Variants in FHIT observed in about 807,000 individuals in gnomAD.
The protein encoded by FHIT is bis(5'-adenosyl)-triphosphatase.
Under a neutral mutation model 17.9 loss-of-function variants are expected in FHIT, and 19 were observed. The observed-to-expected ratio is 1.06, with a 90% CI of 0.74 to 1.56. FHIT has a LOEUF of 1.56. Ranked by LOEUF, FHIT falls within the 40% of genes most tolerant of loss-of-function variation. FHIT has a pLI of 0.00. For synonymous variants in FHIT, 81 were observed against 69.7 expected, an observed-to-expected ratio of 1.16 and a Z score of -0.81; for missense variants, 248 against 189.2, an observed-to-expected ratio of 1.31 and a Z score of -1.82.
intron 5 of FHIT, among the ~76,000 whole-genome samples, chr3:60,188,207 C>CTTTTTTTTTTTTTTTTTTTTTTTTTTTTT: frequency 8.0e-6 from 1 of 125,574 alleles, no homozygotes. Flanking sequence ...CAGTTTCTTT[C>CTTTTTTTTTTTTTTTTTTTTTTTTTTTTT]TTTTTTTTTT....
chr3:59,958,220 T>A (rs1021985067), intron 7 of FHIT, among the ~76,000 whole-genome samples: 3 of 152,226 alleles, frequency 2.0e-5, no homozygotes, highest in African/African-American at 7.2e-5. Context: ...GATAGTTGCA[T>A]CATCTTTTCT....
chr3:59,759,995 T>C (rs1701424817), intron 8 of FHIT, among the ~76,000 whole-genome samples: 1 of 152,214 alleles, frequency 6.6e-6, no homozygotes, highest in Non-Finnish European at 1.5e-5. Context: ...CTGTGAGATA[T>C]CTATGTGCAA....
At chr3:60,033,231 C>T (rs565432895) in intron 5 of FHIT, among the ~76,000 whole-genome samples, 3 of 152,240 alleles carry the variant, frequency 2.0e-5, no homozygotes, top group African/African-American at 7.2e-5. Flanking sequence ...GGTGCAGTGG[C>T]TCATGCCTGT....
intron 5 of FHIT, among the ~76,000 whole-genome samples, chr3:60,068,397 T>C (rs1242718179): frequency 6.6e-6 from 1 of 152,212 alleles, no homozygotes; most frequent in Non-Finnish European, 1.5e-5. Context: ...TTCCCAGGGT[T>C]AAGCTGGAGA....
At chr3:59,858,778 A>C (rs1702285296) in intron 8 of FHIT, among the ~76,000 whole-genome samples, 1 of 152,076 alleles carries the variant, frequency 6.6e-6, no homozygotes, top group Non-Finnish European at 1.5e-5. Flanking sequence ...ATTAAGGATA[A>C]TGGGAACCAA....
intron 5 of FHIT, among the ~76,000 whole-genome samples, chr3:60,458,483 A>C (rs1263297068): frequency 6.6e-6 from 1 of 151,720 alleles, no homozygotes; most frequent in Non-Finnish European, 1.5e-5. Flanking sequence ...GATATACCTA[A>C]TGTTAAATGA....
chr3:61,012,641 A>C (rs4515043), intron 3 of FHIT, among the ~76,000 whole-genome samples: 43,363 of 151,408 alleles, frequency 0.29, 7,518 homozygotes, highest in African/African-American at 0.49. Flanking sequence ...AAGCCCTGAC[A>C]ATCTCATTAT....
At chr3:59,817,542 G>C (rs1700641981) in intron 8 of FHIT, among the ~76,000 whole-genome samples, 1 of 123,140 alleles carries the variant, frequency 8.1e-6, no homozygotes, top group Admixed American at 1.1e-4. Context: ...CACCCTGGGA[G>C]ACAGAGCAAC....
chr3:61,099,107 T>G (rs1204657637), intron 2 of FHIT, among the ~76,000 whole-genome samples: 1 of 152,212 alleles, frequency 6.6e-6, no homozygotes, highest in Non-Finnish European at 1.5e-5. Context: ...ATAAGGAGTT[T>G]AGTGAGAGTT....
intron 5 of FHIT, among the ~76,000 whole-genome samples, chr3:60,459,086 T>C (rs2032299119): frequency 6.6e-6 from 1 of 152,144 alleles, no homozygotes; most frequent in Non-Finnish European, 1.5e-5. Context: ...CCAGCCCATT[T>C]TTATCGTTGG....
intron 4 of FHIT, among the ~76,000 whole-genome samples, chr3:60,542,397 A>C (rs2036213555): frequency 6.6e-6 from 1 of 152,232 alleles, no homozygotes; most frequent in Non-Finnish European, 1.5e-5. Flanking sequence ...ACCAGCTTGC[A>C]CGCCCAGCAG....
At chr3:61,001,370 C>T (rs2031072513) in intron 3 of FHIT, among the ~76,000 whole-genome samples, 1 of 152,166 alleles carries the variant, frequency 6.6e-6, no homozygotes, top group South Asian at 2.1e-4. Flanking sequence ...ATGTTCGTAG[C>T]AGCTTTATTT....
chr3:60,522,416 A>G (rs2035406856), intron 5 of FHIT, among the ~76,000 whole-genome samples: 1 of 152,180 alleles, frequency 6.6e-6, no homozygotes, highest in African/African-American at 2.4e-5. Flanking sequence ...AGCCAGAAAC[A>G]ACCATAATTT....
intron 1 of FHIT, among the ~76,000 whole-genome samples, chr3:61,202,851 A>C (rs573839919): frequency 6.6e-6 from 1 of 152,266 alleles, no homozygotes; most frequent in South Asian, 2.1e-4. Context: ...CAGGAGTTTG[A>C]GACCAGCCTG....
chr3:59,831,915 G>A (rs939835433), intron 8 of FHIT, among the ~76,000 whole-genome samples: 7 of 152,146 alleles, frequency 4.6e-5, no homozygotes, highest in African/African-American at 1.7e-4. Context: ...GCCAAAAGCT[G>A]ATGGTAAGTG....
chr3:60,848,353 A>T (rs782797636), intron 3 of FHIT, among the ~76,000 whole-genome samples: 1 of 152,122 alleles, frequency 6.6e-6, no homozygotes, highest in African/African-American at 2.4e-5. Context: ...ATTTTTTTGC[A>T]ATTTTAACTA....
At chr3:60,394,416 A>C (rs1246483100) in intron 5 of FHIT, among the ~76,000 whole-genome samples, 1 of 152,186 alleles carries the variant, frequency 6.6e-6, no homozygotes, top group African/African-American at 2.4e-5. Flanking sequence ...TACAAATGTT[A>C]TGTTAATCTG....
chr3:60,246,064 T>C (rs1705380918), intron 5 of FHIT, among the ~76,000 whole-genome samples: 1 of 152,158 alleles, frequency 6.6e-6, no homozygotes, highest in Admixed American at 6.6e-5. Context: ...ATGCTTATTT[T>C]TATATTGTTT....
chr3:60,155,522 C>T (rs535553696), intron 5 of FHIT, among the ~76,000 whole-genome samples: 50 of 152,308 alleles, frequency 3.3e-4, no homozygotes, highest in Non-Finnish European at 6.2e-4. Context: ...CTTTGCAGAA[C>T]TGCCCATCTC....
Sources: allele counts gnomAD v4.1 joint callset (sites outside exome capture counted in the v4.1 genomes callset), GRCh38; gene constraint gnomAD v4.1.1; transcripts MANE v1.5; gene names NCBI Gene and HGNC (gene_info 2026-07-23, HGNC 2026-07-21).